The following TNNI3K variants were observed in gnomAD, a reference collection of about 807,000 sequenced individuals.
TNNI3K encodes the protein TNNI3 interacting kinase, also known as serine/threonine-protein kinase TNNI3K.
Under a neutral mutation model 114.5 loss-of-function variants are expected in TNNI3K, and 140 were observed. The ratio of observed to expected loss-of-function variants is 1.22; its 90% CI spans 1.07 to 1.41. TNNI3K has a LOEUF of 1.41. TNNI3K is among the 40% of genes most tolerant of loss of function. The pLI is 0.00. For synonymous variants in TNNI3K, 347 were observed against 347.5 expected (o/e 1.00, Z 0.02); for missense variants, 1,125 against 1,007.6 (o/e 1.12, Z -1.58).
chr1:74,279,347 A>T (rs1003613208), intron 5 of TNNI3K, among the ~76,000 whole-genome samples: 1 of 152,186 alleles, frequency 6.6e-6, no homozygotes, highest in Non-Finnish European at 1.5e-5. Flanking sequence ...TTGTAGTTAA[A>T]ATTTTAGTAA....
intron 7 of TNNI3K, among the ~76,000 whole-genome samples, 200 bp from the exon 8 acceptor site, chr1:74,342,642 C>T (rs1660804045): frequency 6.6e-6 from 1 of 152,092 alleles, no homozygotes; most frequent in Admixed American, 6.6e-5. Context: ...AGAAGGAAAC[C>T]TGTTTAATGT....
intron 17 of TNNI3K, among the ~76,000 whole-genome samples, chr1:74,388,813 T>C (rs1663619353): frequency 6.6e-6 from 1 of 152,218 alleles, no homozygotes; most frequent in Non-Finnish European, 1.5e-5. Context: ...TAACCTTCCA[T>C]ACTGCCAGAG....
rs754416076 is a variant in TNNI3K at position 74,342,959 on chromosome 1, A to G, written c.800A>G (p.Asn267Ser). ...TTGGAAGTTCAACCTCATGTTGTTA[A>G]TATCTATGGAGATACCCCCTTACAC... is the stretch of plus-strand genomic sequence containing the variant. ...SDLEVQPHVV[N>S]IYGDTPLHLA... The change falls in exon 8 of 25, where the codon AAT (asparagine) becomes AGT (serine). Residue 267 changes from asparagine to serine, a missense_variant. Asn to Ser is a conservative substitution (Grantham distance 46). Coordinates refer to ENST00000326637, the MANE Select transcript of TNNI3K (RefSeq NM_015978.3). The G allele has an allele frequency of 8.7e-6, 14 of 1,613,930 alleles. No individual in the cohort carries two copies. Among genetic ancestry groups the G allele is most frequent in the African/African-American group, 1.3e-5 (1 of 75,046 alleles).
At chr1:74,400,521 C>T (rs115933102) in intron 17 of TNNI3K, among the ~76,000 whole-genome samples, 11 of 152,270 alleles carry the variant, frequency 7.2e-5, no homozygotes, top group Admixed American at 2.6e-4. Context: ...GTATATCAAT[C>T]GCAACCAAAT....
intron 4 of TNNI3K, among the ~76,000 whole-genome samples, chr1:74,251,793 G>C (rs1654944648): frequency 6.6e-6 from 1 of 152,162 alleles, no homozygotes; most frequent in Non-Finnish European, 1.5e-5. Flanking sequence ...CCATGATCTA[G>C]CATCACAAAT....
At chr1:74,383,847 A>G (rs995679721) in intron 17 of TNNI3K, among the ~76,000 whole-genome samples, 1 of 152,028 alleles carries the variant, frequency 6.6e-6, no homozygotes, top group African/African-American at 2.4e-5. Flanking sequence ...GTAGCTCTAT[A>G]TGATGACAGT....
At chr1:74,418,712 A>G (rs1665252370) in intron 17 of TNNI3K, among the ~76,000 whole-genome samples, 1 of 151,984 alleles carries the variant, frequency 6.6e-6, no homozygotes, top group Non-Finnish European at 1.5e-5. Flanking sequence ...CTCCAAAACA[A>G]AATTCTCCCT....
Position 74,421,503 on chromosome 1 carries a change from A to C in TNNI3K, c.1773-14577A>C, listed in dbSNP as rs45559343. ...AAGCAATTTGAGGTAATTTTTTAAA[A>C]AAGAAAAGCTATTTATTGGTAGAGC... On this transcript the variant is annotated intron_variant, in intron 17 of 24. Transcript: ENST00000326637. Among the ~76,000 whole-genome samples, 556 of 152,280 alleles carry C rather than the reference A, an allele frequency of 3.7e-3. 3 individuals are homozygous for C. The highest frequency in any genetic ancestry group is 0.013 in the African/African-American group (535 of 41,568).
intron 5 of TNNI3K, among the ~76,000 whole-genome samples, chr1:74,329,241 T>C (rs1413223812): frequency 6.6e-6 from 1 of 152,084 alleles, no homozygotes; most frequent in East Asian, 1.9e-4. Context: ...AGCACCTCTT[T>C]CTGTGTTTTG....
At chr1:74,307,278 A>G (rs1315190138) in intron 5 of TNNI3K, among the ~76,000 whole-genome samples, 1 of 152,188 alleles carries the variant, frequency 6.6e-6, no homozygotes, top group Non-Finnish European at 1.5e-5. Flanking sequence ...TTACATATCA[A>G]TATTAACTTT....
intron 7 of TNNI3K, among the ~76,000 whole-genome samples, chr1:74,339,285 G>A (rs931398623): frequency 6.6e-6 from 1 of 152,090 alleles, no homozygotes; most frequent in Non-Finnish European, 1.5e-5. Flanking sequence ...TCAAGAGACG[G>A]CGTGACTCAC....
intron 20 of TNNI3K, among the ~76,000 whole-genome samples, chr1:74,459,663 C>A (rs1419923686): frequency 6.6e-6 from 1 of 152,178 alleles, no homozygotes; most frequent in Non-Finnish European, 1.5e-5. Flanking sequence ...ATAGTCAGTA[C>A]ATTTTGACAA....
chr1:74,278,237 T>A (rs1656800677), intron 5 of TNNI3K, among the ~76,000 whole-genome samples: 1 of 152,190 alleles, frequency 6.6e-6, no homozygotes, highest in South Asian at 2.1e-4. Flanking sequence ...TAGTCCCTTG[T>A]GAACTCCATT....
chr1:74,470,021 C>T, intron 21 of TNNI3K: 1 of 400,716 alleles, frequency 2.5e-6, no homozygotes, highest in Admixed American at 4.4e-5. Flanking sequence ...TCTTTTAACC[C>T]TGGTAAGAAG....
chr1:74,503,956 A>C (rs1305610837), intron 23 of TNNI3K, among the ~76,000 whole-genome samples: 1 of 152,194 alleles, frequency 6.6e-6, no homozygotes, highest in Non-Finnish European at 1.5e-5. Flanking sequence ...AAATTAAAGA[A>C]AGTGGGGAGT....
chr1:74,445,993 T>A (rs1004339390), intron 20 of TNNI3K, among the ~76,000 whole-genome samples: 8 of 152,170 alleles, frequency 5.3e-5, no homozygotes, highest in Non-Finnish European at 1.2e-4. Flanking sequence ...AATGCCACAA[T>A]AAACATACGT....
At chr1:74,469,751 A>G (rs1275626902) in intron 21 of TNNI3K, 3 of 396,246 alleles carry the variant, frequency 7.6e-6, no homozygotes, top group Non-Finnish European at 1.3e-5. Context: ...GATAACAAAG[A>G]GTTACTGAGG....
intron 7 of TNNI3K, among the ~76,000 whole-genome samples, chr1:74,341,117 T>C (rs1421333465): frequency 1.3e-5 from 2 of 152,202 alleles, no homozygotes; most frequent in South Asian, 2.1e-4. Flanking sequence ...CAAATGGCTT[T>C]AGAGCAGTTG....
intron 17 of TNNI3K, among the ~76,000 whole-genome samples, chr1:74,399,903 T>C (rs1460835235): frequency 6.6e-6 from 1 of 152,160 alleles, no homozygotes; most frequent in Non-Finnish European, 1.5e-5. Flanking sequence ...AAGTCTTACA[T>C]TGTGGGAATT....
Sources: allele counts gnomAD v4.1 joint callset (sites outside exome capture counted in the v4.1 genomes callset), GRCh38; gene constraint gnomAD v4.1.1; transcripts MANE v1.5; gene names NCBI Gene and HGNC (gene_info 2026-07-23, HGNC 2026-07-21).